LRRC56: variants seen among roughly 807,000 people sequenced by gnomAD.
LRRC56 encodes leucine rich repeat containing 56, also known as leucine-rich repeat-containing protein 56.
LRRC56 carries 41 observed loss-of-function variants against 47.8 expected under a neutral mutation model. The observed-to-expected ratio is 0.86, with a 90% CI of 0.67 to 1.11. LRRC56 has a LOEUF of 1.11. Among genes scored for constraint, LRRC56 ranks in the 50% most tolerant of loss-of-function variants. The pLI is 0.00. For synonymous variants in LRRC56, 387 were observed against 311.2 expected, an observed-to-expected ratio of 1.24 and a Z score of -2.56; for missense variants, 759 against 704.2, an observed-to-expected ratio of 1.08 and a Z score of -0.88.
the LRRC56 span, among the ~76,000 whole-genome samples, chr11:517,631 C>T: frequency 6.6e-6 from 1 of 152,176 alleles, no homozygotes; most frequent in African/African-American, 2.4e-5. Context: ...GTGCCTCTGC[C>T]AGGCCGCCCC....
upstream of LRRC56, chr11:532,718 A>T: frequency 6.2e-7 from 1 of 1,613,144 alleles, no homozygotes; most frequent in Non-Finnish European, 8.5e-7. Flanking sequence ...GTGCTGCCGG[A>T]TCTCACGCAC....
At chr11:526,847 G>C in the LRRC56 span, among the ~76,000 whole-genome samples, 2 of 152,146 alleles carry the variant, frequency 1.3e-5, no homozygotes, top group Admixed American at 6.5e-5. Flanking sequence ...TGAGACAGGA[G>C]AATTGCTTGA....
chr11:533,526 T>G, upstream of LRRC56: 1 of 1,613,778 alleles, frequency 6.2e-7, no homozygotes, highest in Non-Finnish European at 8.5e-7. Flanking sequence ...CTGCCGAGAT[T>G]CCACAGTGCG....
At chr11:516,173 C>T in the LRRC56 span, among the ~76,000 whole-genome samples, 1 of 152,020 alleles carries the variant, frequency 6.6e-6, no homozygotes, top group Admixed American at 6.6e-5. Flanking sequence ...GTGGGTGGAT[C>T]ACTTGAGGCC....
chr11:552,015 T>C, intron 11 of LRRC56, 48 bp downstream of exon 11: 1 of 1,609,730 alleles, frequency 6.2e-7, no homozygotes. Context: ...TGTCCAGGGT[T>C]GCGGCCCTGA....
intron 9 of LRRC56, 146 bp downstream of exon 9, chr11:551,448 G>A (rs1176091498): frequency 1.4e-5 from 11 of 790,838 alleles, no homozygotes; most frequent in African/African-American, 5.3e-5. Context: ...GTGCACACCC[G>A]GCCCCAGGCC....
At chr11:533,866 A>G (rs1564789552), upstream of LRRC56, 1 of 1,612,886 alleles carries the variant, frequency 6.2e-7, no homozygotes, top group Admixed American at 1.7e-5. Context: ...ATGGCGCTGT[A>G]CTCCTCCTGG....
intron 5 of LRRC56, among the ~76,000 whole-genome samples, chr11:542,694 C>T (rs1195274300): frequency 2.0e-5 from 3 of 151,904 alleles, no homozygotes; most frequent in East Asian, 1.9e-4. Flanking sequence ...GTGCACAGCG[C>T]GTCAGGCCAC....
chr11:518,492 A>T, the LRRC56 span, among the ~76,000 whole-genome samples: 136 of 151,082 alleles, frequency 9.0e-4, no homozygotes, highest in Non-Finnish European at 1.4e-3. Flanking sequence ...AGCTTTTTAA[A>T]TTTTTTTTGT....
chr11:510,272 C>T, the LRRC56 span, among the ~76,000 whole-genome samples: 1 of 152,174 alleles, frequency 6.6e-6, no homozygotes. Flanking sequence ...ACCAGGGTGA[C>T]TTTGGGTGGA....
At chr11:523,655 G>A in the LRRC56 span, among the ~76,000 whole-genome samples, 2 of 150,236 alleles carry the variant, frequency 1.3e-5, no homozygotes, top group South Asian at 4.2e-4. Flanking sequence ...TTGGGGGGCC[G>A]GGCGCGGTGG....
At chr11:506,781 G>T in the LRRC56 span, 1 of 152,368 alleles carries the variant, frequency 6.6e-6, no homozygotes, top group Non-Finnish European at 1.5e-5. Context: ...GGCACTAGAG[G>T]GCTTGACGGC....
intron 6 of LRRC56, 80 bp downstream of exon 6, chr11:544,860 A>G: frequency 1.5e-6 from 1 of 664,470 alleles, no homozygotes; most frequent in Non-Finnish European, 2.4e-6. Context: ...TGGGGGGAGA[A>G]CTTGGTGGGA....
chr11:547,316 C>G (rs900986935), intron 6 of LRRC56, among the ~76,000 whole-genome samples: 1 of 148,330 alleles, frequency 6.7e-6, no homozygotes, highest in Non-Finnish European at 1.5e-5. Context: ...GATGGCTGTA[C>G]TTTTTTTTTT....
intron 13 of LRRC56, 62 bp downstream of exon 13, chr11:552,764 G>A (rs1852481285): frequency 9.7e-6 from 14 of 1,441,402 alleles, no homozygotes; most frequent in Non-Finnish European, 1.1e-5. Flanking sequence ...ACTTCTATAG[G>A]GGGGCCCTTA....
At chr11:522,039 A>T in the LRRC56 span, among the ~76,000 whole-genome samples, 3 of 152,196 alleles carry the variant, frequency 2.0e-5, no homozygotes, top group Admixed American at 2.0e-4. Flanking sequence ...TCTAAATCCA[A>T]ATATATCAAT....
chr11:507,618 G>A, the LRRC56 span, among the ~76,000 whole-genome samples: 1 of 152,240 alleles, frequency 6.6e-6, no homozygotes, highest in African/African-American at 2.4e-5. Flanking sequence ...GCGCGGGTCG[G>A]GCCTTGCTGG....
At chr11:542,522 A>G (rs1215063927) in intron 5 of LRRC56, among the ~76,000 whole-genome samples, 2 of 139,280 alleles carry the variant, frequency 1.4e-5, no homozygotes, top group African/African-American at 2.7e-5. Context: ...GTCAAGCTGC[A>G]GTGAGCTGAG....
chr11:551,866 G>C, intron 10 of LRRC56, 37 bp from the exon 11 acceptor site: 1 of 1,609,940 alleles, frequency 6.2e-7, no homozygotes, highest in Non-Finnish European at 8.5e-7. Flanking sequence ...GCAGCCCCTC[G>C]GCCCCGAACC....
Sources: gnomAD v4.1 joint callset for allele counts (sites outside exome capture counted in the v4.1 genomes callset) on GRCh38, gnomAD v4.1.1 for gene constraint, MANE v1.5 for transcripts, NCBI Gene and HGNC (gene_info 2026-07-23, HGNC 2026-07-21) for gene names.